The following SDCBP2 variants were observed in gnomAD, a reference collection of about 807,000 sequenced individuals.
The protein encoded by SDCBP2 is syntenin-2.
SDCBP2 carries 28 observed loss-of-function variants against 30.7 expected under a neutral mutation model. That is an observed-to-expected ratio of 0.91 (90% CI 0.68 to 1.25). The LOEUF (loss-of-function observed/expected upper bound fraction) is 1.25. Among genes scored for constraint, SDCBP2 ranks in the 50% most tolerant of loss-of-function variants. The pLI is 0.00. For missense variants in SDCBP2, 399 were observed against 379.0 expected, an observed-to-expected ratio of 1.05 and a Z score of -0.44; for synonymous variants, 166 against 157.3, an observed-to-expected ratio of 1.06 and a Z score of -0.41.
At chr20:1,328,624 C>G (rs976498597) in intron 1 of SDCBP2, among the ~76,000 whole-genome samples, 6 of 152,138 alleles carry the variant, frequency 3.9e-5, no homozygotes, top group African/African-American at 1.4e-4. Flanking sequence ...AGGTGAAGCC[C>G]CTGGCGCAGT....
chr20:1,319,503 C>A, intron 3 of SDCBP2, 87 bp downstream of exon 3: 1 of 1,366,372 alleles, frequency 7.3e-7, no homozygotes, highest in Non-Finnish European at 1.0e-6. Context: ...TGGAGCCTCC[C>A]ATACCTTTGG....
In SDCBP2 at chr20:1,313,351, T is replaced by C. The variant is rs2088713734; in HGVS notation, c.373A>G (p.Lys125Glu). ...ERGKTGLRLR[K>E]VDQGLFVQLV... ...CCCCCGCGCCCTACCTGGTCGACCT[T>C]CCGCAGCCTCAGCCCGGTCTTGCCG... The change falls in exon 5 of 9, where the codon AAG becomes GAG. Residue 125 changes from lysine to glutamate, a missense_variant. Lys to Glu is a moderately conservative substitution (Grantham distance 56, BLOSUM62 1). Transcript: ENST00000360779. The surrounding 1 kb of genome is among the most constrained non-coding windows in gnomAD (Gnocchi z 5.2). 1 of 1,611,374 alleles carries C rather than the reference T, an allele frequency of 6.2e-7. No individual in the cohort carries two copies. Among genetic ancestry groups the C allele is most frequent in the Non-Finnish European group, 8.5e-7 (1 of 1,179,588 alleles).
intron 7 of SDCBP2, among the ~76,000 whole-genome samples, chr20:1,311,698 AC>A (rs2088671829): frequency 1.3e-5 from 2 of 152,184 alleles, no homozygotes; most frequent in Admixed American, 1.3e-4. Context: ...GCTGGGACAA[AC>A]CCAGTTCTGA....
At chr20:1,316,147 T>C (rs1243920263) in intron 4 of SDCBP2, among the ~76,000 whole-genome samples, 1 of 151,842 alleles carries the variant, frequency 6.6e-6, no homozygotes, top group Admixed American at 6.6e-5. Flanking sequence ...ATGAGTAAAA[T>C]ATATGAAGAA....
In SDCBP2 at chr20:1,310,206, A is replaced by G; in HGVS notation, c.*235T>C. Reference sequence around the variant, plus strand: ...CTCCGTGTCCAGCATTTAAATCAGCACAAGAGAATCGGCTGCCTGTGGGCC... The same window carrying G: ...CTCCGTGTCCAGCATTTAAATCAGCGCAAGAGAATCGGCTGCCTGTGGGCC... On this transcript the variant is annotated 3_prime_UTR_variant, in exon 9 of 9. Transcript: ENST00000360779. 2.1e-6 allele frequency: 1 copy of G among 475,310 alleles called. No individual in the cohort carries two copies. The highest frequency in any genetic ancestry group is 3.8e-6 in the Non-Finnish European group (1 of 265,720). The allele number at this position is 475,310 out of a possible 1,614,324, so 29.4% of individuals were successfully genotyped here. A position where few individuals can be genotyped will look rare whatever the true frequency, so the allele number is the denominator to read the frequency against.
intron 4 of SDCBP2, among the ~76,000 whole-genome samples, chr20:1,317,245 C>T (rs2088790720): frequency 6.6e-6 from 1 of 152,126 alleles, no homozygotes; most frequent in Non-Finnish European, 1.5e-5. Flanking sequence ...CGTAAGACTC[C>T]TGGTTTTGAT....
chr20:1,319,751 G>T (rs6041382), intron 2 of SDCBP2, 92 bp from the exon 3 acceptor site: 126,999 of 1,142,318 alleles, frequency 0.11, 8,773 homozygotes, highest in African/African-American at 0.3. Context: ...CTGGGCATTA[G>T]GGGTGTGAGT....
intron 1 of SDCBP2, among the ~76,000 whole-genome samples, chr20:1,325,060 T>TAG (rs1371419759): frequency 6.6e-6 from 1 of 152,178 alleles, no homozygotes; most frequent in Non-Finnish European, 1.5e-5. Context: ...GACGAACCTG[T>TAG]GCCTTCCCTC....
chr20:1,318,348 C>T lies in SDCBP2; in HGVS notation c.195G>A (p.Glu65=), dbSNP rs1441947773. 1.2e-6 allele frequency: 2 copies of T among 1,613,806 alleles called. No homozygotes were observed. Among genetic ancestry groups the T allele is most frequent in the East Asian group, 2.2e-5 (1 of 44,886 alleles). ...GLSLSSQEVQ[E]SLLQIPEGDS... is the part of the protein sequence containing the mutation. ...CACCCTCTGGAATCTGAAGCAGGCT[C>T]TCCTGGACTTCTTGGCTGGAGAGGG... is the stretch of plus-strand genomic sequence containing the variant. Residue 65 remains glutamate (E), a synonymous_variant, in exon 4 of 9, where the codon GAG becomes GAA. Coordinates refer to ENST00000360779, the MANE Select transcript of SDCBP2 (RefSeq NM_080489.5).
chr20:1,327,340 G>GCTGAAGTGATGGAACTCCCACTCGTTC (rs2088943608), intron 1 of SDCBP2, among the ~76,000 whole-genome samples: 1 of 152,242 alleles, frequency 6.6e-6, no homozygotes, highest in Admixed American at 6.5e-5. Context: ...GTTCCAAAGA[G>GCTGAAGTGATGGAACTCCCACTCGTTC]CTGAAGTGAT....
Position 1,313,481 on chromosome 20 carries a change from G to C in SDCBP2, c.243C>G (p.Pro81=). 1 of 1,592,522 alleles carries C rather than the reference G, an allele frequency of 6.3e-7. No individual in the cohort carries two copies. The highest frequency in any genetic ancestry group is 2.3e-5 in the East Asian group (1 of 44,194). ...CCGGTGCCACCATCTGGCCGGGCCC[G>C]GGGCCCGAGACCGCTGTCTGCAGAC... ...PEGDSTAVSG[P]GPGQMVAPVT... Residue 81 remains proline, a synonymous_variant, in exon 5 of 9, where the codon CCC becomes CCG. Transcript: ENST00000360779. The surrounding 1 kb of genome is among the most constrained non-coding windows in gnomAD (Gnocchi z 5.2).
rs377546461 is a variant in SDCBP2, at chr20:1,310,759, AGAGGAGGGGT to A, written c.824+31_824+40del. On this transcript the variant is annotated intron_variant, in intron 8 of 8. Coordinates refer to ENST00000360779, the MANE Select transcript of SDCBP2 (RefSeq NM_080489.5). ...GAGGCCGGGAGGTGAAGGGGATGGC[AGAGGAGGGGT>A]GAGGAGGGGTGAGGAGGGGTGCAGC... is the stretch of plus-strand genomic sequence containing the variant. 9.1e-4 allele frequency: 1,397 copies of A among 1,536,704 alleles called. 1 individual carries two copies. The highest frequency in any genetic ancestry group is 5.2e-3 in the African/African-American group (379 of 73,498).
At chr20:1,316,544 C>T (rs1027517266) in intron 4 of SDCBP2, among the ~76,000 whole-genome samples, 1 of 152,130 alleles carries the variant, frequency 6.6e-6, no homozygotes, top group Non-Finnish European at 1.5e-5. Flanking sequence ...CACAAGCCAC[C>T]ATACCTGGCT....
chr20:1,328,655 G>T (rs953687294), intron 1 of SDCBP2, among the ~76,000 whole-genome samples: 1 of 152,208 alleles, frequency 6.6e-6, no homozygotes, highest in Non-Finnish European at 1.5e-5. Flanking sequence ...GTGTTTCAGT[G>T]CTGTGGCAGG....
Position 1,310,396 on chromosome 20 carries a change from A to T in SDCBP2, c.*45T>A, listed in dbSNP as rs776080668. ...TCCGAGGGTGGTTGCCCTTTGCTGCAGGAGGGCGGGAAGCCCCCCCTGCCT... is the reference window on the plus strand; with the variant it reads ...TCCGAGGGTGGTTGCCCTTTGCTGCTGGAGGGCGGGAAGCCCCCCCTGCCT... On this transcript the variant is annotated 3_prime_UTR_variant, in exon 9 of 9. Transcript: ENST00000360779. The T allele has an allele frequency of 3.1e-6, 5 of 1,598,928 alleles. No individual in the cohort carries two copies. In the Admixed American group the frequency reaches 8.4e-5, roughly 27 times the overall value.
intron 1 of SDCBP2, among the ~76,000 whole-genome samples, chr20:1,327,243 G>A (rs544728850): frequency 6.6e-6 from 1 of 152,220 alleles, no homozygotes; most frequent in Non-Finnish European, 1.5e-5. Flanking sequence ...CAAACCAATA[G>A]CTGGGCTTCG....
At chr20:1,319,732 G>C (rs977863558) in intron 2 of SDCBP2, 73 bp from the exon 3 acceptor site, 2 of 1,325,728 alleles carry the variant, frequency 1.5e-6, no homozygotes, top group African/African-American at 3.0e-5. Context: ...AGCTCCATGA[G>C]GCCAGGGTCT....
At position 1,312,621 on chromosome 20, in the gene SDCBP2, A is replaced by T; in HGVS notation, c.526T>A (p.Ser176Thr). Reference protein sequence around the residue: ...HKAHQVVKKASGDKIVVVVRD... With the variant: ...HKAHQVVKKATGDKIVVVVRD... ...ACCACCACGACAATCTTATCGCCTG[A>T]TGCCTTCTTCACCACCTGATGGGCT... The change falls in exon 6 of 9, where the codon TCA (serine) becomes ACA (threonine). Residue 176 changes from serine (S) to threonine (T), a missense_variant. Transcript: ENST00000360779. The T allele has an allele frequency of 6.2e-7, 1 of 1,614,046 alleles. No homozygotes were observed. The highest frequency in any genetic ancestry group is 1.7e-4 in the Middle Eastern group (1 of 6,060).
Position 1,313,378 on chromosome 20 carries a change from G to C in SDCBP2, c.346C>G (p.Arg116Gly). 1.2e-6 allele frequency: 2 copies of C among 1,611,220 alleles called. No individual in the cohort carries two copies. The highest frequency in any genetic ancestry group is 4.5e-5 in the East Asian group (2 of 44,824). ...CGCAGCCTCAGCCCGGTCTTGCCGCGCTCGTCCTTGCACAGGTGGATCTCG... is the reference window on the plus strand; with the variant it reads ...CGCAGCCTCAGCCCGGTCTTGCCGCCCTCGTCCTTGCACAGGTGGATCTCG... ...VREIHLCKDERGKTGLRLRKV... is the reference protein window; with the variant it reads ...VREIHLCKDEGGKTGLRLRKV... The change falls in exon 5 of 9, where the codon CGC becomes GGC. Residue 116 changes from arginine to glycine, a missense_variant. By Grantham distance (125) the Arg-to-Gly change is moderately radical (BLOSUM62 -2). Coordinates refer to ENST00000360779, the MANE Select transcript of SDCBP2 (RefSeq NM_080489.5). The surrounding 1 kb of genome is among the most constrained non-coding windows in gnomAD (Gnocchi z 5.2).
Sources: allele counts gnomAD v4.1 joint callset (sites outside exome capture counted in the v4.1 genomes callset), GRCh38; gene constraint gnomAD v4.1.1; non-coding constraint Gnocchi (gnomAD v3.1); transcripts MANE v1.5; gene names NCBI Gene and HGNC (gene_info 2026-07-23, HGNC 2026-07-21).